The following WDR70 variants were observed in gnomAD, a reference collection of about 807,000 sequenced individuals.
The protein encoded by WDR70 is WD repeat domain 70, also known as WD repeat-containing protein 70.
In WDR70, 53 loss-of-function variants were observed where a neutral mutation model predicts 88.6. The ratio of observed to expected loss-of-function variants is 0.60; its 90% CI spans 0.48 to 0.75. The LOEUF is 0.75. Ranked by LOEUF, WDR70 falls within the 30% of genes least tolerant of loss-of-function variation. WDR70 has a pLI of 0.00. For missense variants in WDR70, 610 were observed against 823.2 expected, an observed-to-expected ratio of 0.74 and a Z score of 3.17; for synonymous variants, 280 against 270.0, an observed-to-expected ratio of 1.04 and a Z score of -0.36.
At chr5:37,724,868 TTAAC>T in intron 15 of WDR70, 62 bp from the exon 16 acceptor site, 1 of 1,367,766 alleles carries the variant, frequency 7.3e-7, no homozygotes, top group East Asian at 2.3e-5. Flanking sequence ...TAGTCATGCT[TTAAC>T]TATGTTTTTG....
chr5:37,699,983 A>G (rs1747107680), intron 11 of WDR70, among the ~76,000 whole-genome samples: 1 of 151,954 alleles, frequency 6.6e-6, no homozygotes, highest in African/African-American at 2.4e-5. Context: ...AACAAAAAAA[A>G]AAACAGACTA....
chr5:37,469,642 G>A (rs1739265104), intron 7 of WDR70, among the ~76,000 whole-genome samples: 1 of 152,194 alleles, frequency 6.6e-6, no homozygotes. Flanking sequence ...AGAGTTGGGA[G>A]CAGCAGATGC....
chr5:37,521,501 C>G (rs911499818), intron 9 of WDR70, among the ~76,000 whole-genome samples: 2 of 152,092 alleles, frequency 1.3e-5, no homozygotes, highest in African/African-American at 4.8e-5. Context: ...GCCACCGTTT[C>G]CCCCAAGTCC....
chr5:37,478,704 G>T (rs951333235), intron 7 of WDR70, among the ~76,000 whole-genome samples: 6 of 152,194 alleles, frequency 3.9e-5, no homozygotes, highest in Admixed American at 2.0e-4. Flanking sequence ...ACTGCATATT[G>T]ACCAGTCATT....
At position 37,694,195 on chromosome 5, in the gene WDR70, A is replaced by G. The variant is rs549012638; in HGVS notation, c.1093-3460A>G. Among the ~76,000 whole-genome samples, 5 of 152,316 alleles carry G rather than the reference A, an allele frequency of 3.3e-5. No individual in the cohort carries two copies. The East Asian group carries it at 9.6e-4, about 29-fold the overall frequency. Reference sequence around the variant, plus strand: ...ATGGCGATCATTAAAAAGTCAGGAAACAACAGATGCTGGAGAGGATGTGGA... The same window carrying G: ...ATGGCGATCATTAAAAAGTCAGGAAGCAACAGATGCTGGAGAGGATGTGGA... On this transcript the variant is annotated intron_variant, in intron 10 of 17. Coordinates refer to ENST00000265107, the MANE Select transcript of WDR70 (RefSeq NM_018034.4).
chr5:37,483,560 T>C (rs1250554921), intron 8 of WDR70, among the ~76,000 whole-genome samples: 1 of 152,226 alleles, frequency 6.6e-6, no homozygotes, highest in South Asian at 2.1e-4. Context: ...TTTCCCCCTT[T>C]TCTATTCCAC....
rs544021735 is a variant in WDR70 at position 37,563,306 on chromosome 5, G to GCC, written c.918-41753_918-41752dup. On this transcript the variant is annotated intron_variant, in intron 9 of 17. Coordinates refer to ENST00000265107, the MANE Select transcript of WDR70 (RefSeq NM_018034.4). ...GGGCGGCTGGCCGGGCGGGGGGCTG[G>GCC]CCCCCCACCTCCCTCCTGGACGGGG... Among the ~76,000 whole-genome samples, 2 of 38,210 alleles carry GCC rather than the reference G, an allele frequency of 5.2e-5. 1 individual carries two copies. The highest frequency in any genetic ancestry group is 1.6e-4 in the African/African-American group (2 of 12,374). The allele number at this position is 38,210 out of a possible 152,430, so 25.1% of individuals were successfully genotyped here. A position where few individuals can be genotyped will look rare whatever the true frequency, so the allele number is the denominator to read the frequency against.
chr5:37,713,824 TTA>T (rs1747582780), intron 13 of WDR70, among the ~76,000 whole-genome samples: 1 of 152,196 alleles, frequency 6.6e-6, no homozygotes. Context: ...GTGAAGGACT[TTA>T]TGTCTTGTAG....
At position 37,446,189 on chromosome 5, in the gene WDR70, A is replaced by G. The variant is rs567512444; in HGVS notation, c.686+2817A>G. On this transcript the variant is annotated intron_variant, in intron 7 of 17. Coordinates refer to ENST00000265107, the MANE Select transcript of WDR70 (RefSeq NM_018034.4). ...AATCACGAGTGAACTCCCATTCACA[A>G]TTGCTTCAAAGAGAATGAAATACCT... Among the ~76,000 whole-genome samples, 239 of 152,326 alleles carry G rather than the reference A, an allele frequency of 1.6e-3. 2 individuals are homozygous for G. Among genetic ancestry groups the G allele is most frequent in the African/African-American group, 5.6e-3 (231 of 41,574 alleles).
intron 7 of WDR70, among the ~76,000 whole-genome samples, chr5:37,450,981 C>T (rs1279995029): frequency 1.3e-5 from 2 of 152,166 alleles, no homozygotes; most frequent in African/African-American, 2.4e-5. Context: ...TCACCGCAAC[C>T]TCCACCTCCT....
At position 37,517,510 on chromosome 5, in the gene WDR70, GGCAT is replaced by G. The variant is rs1419372063; in HGVS notation, c.917+925_917+928del. 2.0e-5 allele frequency among the ~76,000 whole-genome samples: 3 copies of G among 151,920 alleles called. No individual in the cohort carries two copies. In the East Asian group the frequency reaches 5.8e-4, roughly 29 times the overall value. On this transcript the variant is annotated intron_variant, in intron 9 of 17. Transcript: ENST00000265107. The stretch of plus-strand genomic sequence containing the variant: ...AGCCTCCCAAGTAGCTGGAATTACA[GGCAT>G]GCATCACCACACCAGGCTAATTTTG...
chr5:37,501,928 C>G (rs1740415437), intron 8 of WDR70, among the ~76,000 whole-genome samples: 1 of 151,988 alleles, frequency 6.6e-6, no homozygotes. Context: ...TATTCAGGCT[C>G]TTTTTTAGTT....
At chr5:37,675,001 T>A (rs1284083687) in intron 10 of WDR70, among the ~76,000 whole-genome samples, 1 of 151,448 alleles carries the variant, frequency 6.6e-6, no homozygotes, top group Non-Finnish European at 1.5e-5. Context: ...GAGCATTTTT[T>A]CATGTGTTTT....
At chr5:37,721,504 C>T in intron 14 of WDR70, 1 of 400,104 alleles carries the variant, frequency 2.5e-6, no homozygotes, top group Middle Eastern at 6.9e-4. Context: ...CTTTGCATAC[C>T]ACCCTGGACA....
At chr5:37,480,487 C>G (rs1739629536) in intron 8 of WDR70, among the ~76,000 whole-genome samples, 1 of 152,078 alleles carries the variant, frequency 6.6e-6, no homozygotes, top group Non-Finnish European at 1.5e-5. Context: ...TGGTGGAAGG[C>G]AAGGAGGTGC....
At chr5:37,594,867 G>T (rs1401872928) in intron 9 of WDR70, among the ~76,000 whole-genome samples, 1 of 152,178 alleles carries the variant, frequency 6.6e-6, no homozygotes, top group East Asian at 1.9e-4. Flanking sequence ...TCCCTTGTAA[G>T]TTGGATTCCT....
At chr5:37,613,592 T>C (rs781704452) in intron 10 of WDR70, among the ~76,000 whole-genome samples, 18 of 152,172 alleles carry the variant, frequency 1.2e-4, no homozygotes, top group Non-Finnish European at 1.2e-4. Context: ...GGGGGCCTAA[T>C]AAAGAGACCC....
chr5:37,408,780 T>C (rs979688678), intron 5 of WDR70, among the ~76,000 whole-genome samples: 3 of 152,148 alleles, frequency 2.0e-5, no homozygotes, highest in African/African-American at 7.2e-5. Context: ...GTGTGTATTA[T>C]ATATAATATA....
chr5:37,701,292 AT>A (rs1313506599), intron 12 of WDR70, 150 bp downstream of exon 12: 40 of 547,658 alleles, frequency 7.3e-5, no homozygotes, highest in South Asian at 1.8e-4. Flanking sequence ...AAAAATATGT[AT>A]TTTTTTTATT....
Sources: allele counts gnomAD v4.1 joint callset (sites outside exome capture counted in the v4.1 genomes callset), GRCh38; gene constraint gnomAD v4.1.1; transcripts MANE v1.5; gene names NCBI Gene and HGNC (gene_info 2026-07-23, HGNC 2026-07-21).